GLI3: variants seen among roughly 807,000 people sequenced by gnomAD.
GLI3 encodes the protein GLI family zinc finger 3.
A neutral mutation model predicts 100.8 loss-of-function variants in GLI3; 20 were observed. That is an observed-to-expected ratio of 0.20 (90% confidence interval 0.14 to 0.29). The LOEUF (loss-of-function observed/expected upper bound fraction) is 0.29. Among genes scored for constraint, GLI3 ranks in the 10% least tolerant of loss-of-function variants. GLI3 has a pLI of 1.00. For synonymous variants in GLI3, 938 were observed against 860.5 expected (o/e 1.09, Z -1.58); for missense variants, 2,040 against 2,128.5 (o/e 0.96, Z 0.82).
chr7:42,114,012 CA>C, intron 3 of GLI3, among the ~76,000 whole-genome samples: 1 of 152,190 alleles, frequency 6.6e-6, no homozygotes, highest in East Asian at 1.9e-4. Flanking sequence ...CCCTTAAAGC[CA>C]GACATCTGTT....
At chr7:42,232,179 C>G (rs1048513782) in intron 1 of GLI3, among the ~76,000 whole-genome samples, 6 of 152,100 alleles carry the variant, frequency 3.9e-5, no homozygotes, top group African/African-American at 1.4e-4. Flanking sequence ...TTCAGGCCAG[C>G]AGTCAATCCA....
At chr7:42,033,437 T>A (rs1323297198) in intron 7 of GLI3, among the ~76,000 whole-genome samples, 2 of 152,212 alleles carry the variant, frequency 1.3e-5, no homozygotes, top group Non-Finnish European at 2.9e-5. Flanking sequence ...ACAACAAACC[T>A]AGTTTACTAC....
chr7:42,023,547 T>C lies in GLI3; in HGVS notation c.1418A>G (p.Glu473Gly). 1 of 1,613,804 alleles carries C rather than the reference T, an allele frequency of 6.2e-7. No individual in the cohort carries two copies. Among genetic ancestry groups the C allele is most frequent in the Non-Finnish European group, 8.5e-7 (1 of 1,179,804 alleles). The change falls in exon 10 of 15, where the codon GAG (glutamate) becomes GGG (glycine). Residue 473 changes from glutamate to glycine, a missense_variant. By Grantham distance (98) the Glu-to-Gly change is moderately conservative. Around this residue, in one of 5 missense-constraint regions of GLI3, gnomAD observed 603 missense variants for 690.9 expected, o/e 0.87. Coordinates refer to ENST00000395925, the MANE Select transcript of GLI3 (RefSeq NM_000168.6). ...GTTTGTCTCATAGATGACTTCAGGC[T>C]CCTGTTTGCTTTCATCTTTGTCCCC... ...EEGDKDESKQ[E>G]PEVIYETNCH...
At chr7:41,989,540 G>A (rs887201297) in intron 10 of GLI3, among the ~76,000 whole-genome samples, 2 of 152,112 alleles carry the variant, frequency 1.3e-5, no homozygotes, top group Non-Finnish European at 2.9e-5. Context: ...TACAAGTCCA[G>A]CATACGGAGA....
At chr7:42,037,877 G>A (rs1236932136) in intron 7 of GLI3, among the ~76,000 whole-genome samples, 3 of 152,340 alleles carry the variant, frequency 2.0e-5, no homozygotes, top group East Asian at 1.9e-4. Flanking sequence ...CCAGGAGACC[G>A]TAAGGACTAA....
At chr7:42,236,755 G>A (rs1051510365) in intron 1 of GLI3, among the ~76,000 whole-genome samples, 9 of 152,186 alleles carry the variant, frequency 5.9e-5, no homozygotes, top group Non-Finnish European at 1.3e-4. Flanking sequence ...TCCGCGGGTC[G>A]GACTCTTCGG....
At chr7:42,134,199 T>A (rs1183799249) in intron 3 of GLI3, among the ~76,000 whole-genome samples, 2 of 151,980 alleles carry the variant, frequency 1.3e-5, no homozygotes, top group African/African-American at 2.4e-5. Context: ...AGGGATGACA[T>A]CTCAAGTAGG....
intron 1 of GLI3, among the ~76,000 whole-genome samples, chr7:42,235,466 A>C (rs1788771405): frequency 6.6e-6 from 1 of 152,154 alleles, no homozygotes; most frequent in South Asian, 2.1e-4. Flanking sequence ...CTCAAGCTGA[A>C]ACTCTTTTAT....
intron 3 of GLI3, among the ~76,000 whole-genome samples, chr7:42,135,294 GA>G (rs1312229896): frequency 6.6e-6 from 1 of 152,130 alleles, no homozygotes; most frequent in Non-Finnish European, 1.5e-5. Flanking sequence ...AATTTTTCAT[GA>G]TCTTTAGACT....
chr7:41,964,232 A>C lies in GLI3; in HGVS notation c.*98T>G. The C allele has an allele frequency of 1.0e-6, 1 of 1,004,824 alleles. No individual in the cohort carries two copies. The highest frequency in any genetic ancestry group is 1.5e-6 in the Non-Finnish European group (1 of 648,194). The allele number at this position is 1,004,824 out of a possible 1,614,324, so 62.2% of individuals were successfully genotyped here. A position where few individuals can be genotyped will look rare whatever the true frequency, so the allele number is the denominator to read the frequency against. ...TCAGTTAGGTGAGATGAGATTGCTA[A>C]AATACATACAGAACTAAAAAAACAG... is the stretch of plus-strand genomic sequence containing the variant. On this transcript the variant is annotated 3_prime_UTR_variant, in exon 15 of 15. Coordinates refer to ENST00000395925, the MANE Select transcript of GLI3 (RefSeq NM_000168.6).
intron 10 of GLI3, among the ~76,000 whole-genome samples, chr7:41,986,087 A>G (rs751418526): frequency 6.6e-6 from 1 of 152,190 alleles, no homozygotes; most frequent in Non-Finnish European, 1.5e-5. Flanking sequence ...GAAAATACCC[A>G]GAGGACTCAA....
At chr7:42,194,828 A>G (rs764658640) in intron 2 of GLI3, among the ~76,000 whole-genome samples, 4 of 139,180 alleles carry the variant, frequency 2.9e-5, no homozygotes, top group Non-Finnish European at 6.0e-5. Flanking sequence ...GTGCAGTGGC[A>G]TGATCTCGGC....
At chr7:42,172,478 A>T in intron 2 of GLI3, 1 of 668,386 alleles carries the variant, frequency 1.5e-6, no homozygotes, top group South Asian at 1.6e-5. Context: ...AAAAAGTGTA[A>T]ATGAATTAAA....
At chr7:42,150,618 A>AG (rs1562759451) in intron 2 of GLI3, among the ~76,000 whole-genome samples, 2 of 152,158 alleles carry the variant, frequency 1.3e-5, no homozygotes, top group Non-Finnish European at 2.9e-5. Context: ...ACCCTTCCTC[A>AG]GGGGGGCTCT....
At chr7:42,000,839 G>C (rs1316298710) in intron 10 of GLI3, among the ~76,000 whole-genome samples, 1 of 152,106 alleles carries the variant, frequency 6.6e-6, no homozygotes, top group South Asian at 2.1e-4. Flanking sequence ...TGGAATAAAG[G>C]AAACTGAGAT....
intron 2 of GLI3, among the ~76,000 whole-genome samples, chr7:42,193,111 T>C (rs1241095055): frequency 1.3e-5 from 2 of 152,192 alleles, no homozygotes; most frequent in Admixed American, 6.5e-5. Flanking sequence ...TTTTTAAATA[T>C]TATGTTTCTA....
chr7:42,064,668 A>G (rs184593672), intron 4 of GLI3, among the ~76,000 whole-genome samples: 2 of 152,158 alleles, frequency 1.3e-5, no homozygotes, highest in Non-Finnish European at 2.9e-5. Flanking sequence ...TAATCCAGTC[A>G]CACTCATGAG....
At chr7:42,032,318 G>A (rs1490539824) in intron 7 of GLI3, among the ~76,000 whole-genome samples, 1 of 152,056 alleles carries the variant, frequency 6.6e-6, no homozygotes, top group African/African-American at 2.4e-5. Flanking sequence ...ACATAATCAT[G>A]TTTGGCTTTC....
chr7:42,083,495 T>C (rs1785038831), intron 3 of GLI3, among the ~76,000 whole-genome samples: 1 of 152,236 alleles, frequency 6.6e-6, no homozygotes, highest in South Asian at 2.1e-4. Flanking sequence ...CTGCCATACT[T>C]ATTTGTTTAC....
Sources: allele counts gnomAD v4.1 joint callset (sites outside exome capture counted in the v4.1 genomes callset), GRCh38; gene constraint gnomAD v4.1.1; regional missense constraint gnomAD v4.1.1; transcripts MANE v1.5; gene names NCBI Gene and HGNC (gene_info 2026-07-23, HGNC 2026-07-21).